Variants in NRXN3 observed in about 807,000 individuals in gnomAD.
NRXN3 encodes the protein neurexin 3.
In NRXN3, 32 loss-of-function variants were observed where a neutral mutation model predicts 137.6. The ratio of observed to expected loss-of-function variants is 0.23; its 90% confidence interval spans 0.18 to 0.31. The LOEUF (loss-of-function observed/expected upper bound fraction) is 0.31, where lower values mean the gene tolerates loss of function less well. Ranked by LOEUF, NRXN3 falls within the 10% of genes least tolerant of loss-of-function variation. The pLI, the probability that NRXN3 is intolerant of heterozygous loss-of-function variation, is 1.00. For synonymous variants in NRXN3, 798 were observed against 784.5 expected (o/e 1.02, Z -0.29); for missense variants, 1,574 against 2,062.5 (o/e 0.76, Z 4.59).
intron 8 of NRXN3, among the ~76,000 whole-genome samples, chr14:78,784,104 G>GC (rs2098780542): frequency 6.7e-6 from 1 of 150,066 alleles, no homozygotes; most frequent in Admixed American, 6.7e-5. Context: ...AAATTAATTA[G>GC]ATATTTTCGG....
chr14:78,204,646 TTAAA>T (rs1227281483), intron 1 of NRXN3, among the ~76,000 whole-genome samples: 1 of 152,064 alleles, frequency 6.6e-6, no homozygotes, highest in African/African-American at 2.4e-5. Flanking sequence ...ATGATCTAAA[TTAAA>T]TAATATGTGC....
At chr14:78,914,170 TCCATCTCCTGTGTGTG>T (rs1010229178) in intron 10 of NRXN3, among the ~76,000 whole-genome samples, 4 of 152,194 alleles carry the variant, frequency 2.6e-5, no homozygotes, top group African/African-American at 9.6e-5. Context: ...CATTTATTAG[TCCATCTCCTGTGTGTG>T]CATGGATTGG....
In NRXN3 at chr14:78,483,806, T is replaced by C. The variant is rs1045405567; in HGVS notation, c.758-161314T>C. Among the ~76,000 whole-genome samples the C allele has an allele frequency of 3.9e-5, 6 of 152,300 alleles. No homozygotes were observed. The South Asian group carries it at 1.2e-3, about 32-fold the overall frequency. On this transcript the variant is annotated intron_variant, in intron 4 of 20. Coordinates refer to ENST00000335750, the MANE Select transcript of NRXN3 (RefSeq NM_001330195.2). ...CATTTTACCCAACAATTTTATTTCA[T>C]AAATGAGAAAACTGAGGCCTAGAGA...
At chr14:79,287,411 G>C (rs987457072) in intron 15 of NRXN3, among the ~76,000 whole-genome samples, 3 of 152,118 alleles carry the variant, frequency 2.0e-5, no homozygotes, top group African/African-American at 7.2e-5. Flanking sequence ...GATCATTTTG[G>C]AAATTCAGAA....
intron 4 of NRXN3, among the ~76,000 whole-genome samples, chr14:78,415,684 G>A (rs1220319497): frequency 1.3e-5 from 2 of 152,048 alleles, no homozygotes; most frequent in Non-Finnish European, 2.9e-5. Flanking sequence ...TTGCTATGTC[G>A]AAGCCCTTAT....
intron 10 of NRXN3, among the ~76,000 whole-genome samples, chr14:78,927,582 T>A (rs1426045335): frequency 2.6e-5 from 4 of 152,170 alleles, no homozygotes; most frequent in Non-Finnish European, 5.9e-5. Context: ...TTTTGGCTCT[T>A]GAGCAGAATT....
chr14:79,627,855 C>T (rs1321099635), intron 16 of NRXN3, among the ~76,000 whole-genome samples: 1 of 151,966 alleles, frequency 6.6e-6, no homozygotes, highest in African/African-American at 2.4e-5. Flanking sequence ...ATGTGTCTTA[C>T]TTTTTTTATA....
At chr14:79,012,850 T>G (rs1034454866) in intron 15 of NRXN3, among the ~76,000 whole-genome samples, 3 of 152,140 alleles carry the variant, frequency 2.0e-5, no homozygotes, top group Admixed American at 6.6e-5. Flanking sequence ...CTTTCAACAT[T>G]TCCCCCCATC....
intron 4 of NRXN3, among the ~76,000 whole-genome samples, chr14:78,518,322 C>T (rs1332989773): frequency 6.6e-6 from 1 of 152,074 alleles, no homozygotes; most frequent in Non-Finnish European, 1.5e-5. Flanking sequence ...GAGTCTCACC[C>T]ACCTGGAAGG....
intron 16 of NRXN3, among the ~76,000 whole-genome samples, chr14:79,552,182 AAG>A (rs778143672): frequency 4.6e-5 from 7 of 152,186 alleles, no homozygotes; most frequent in Non-Finnish European, 8.8e-5. Context: ...ACTATAAGAC[AAG>A]AGAAGGATAA....
intron 15 of NRXN3, among the ~76,000 whole-genome samples, chr14:79,429,098 G>A (rs909050562): frequency 1.3e-4 from 20 of 152,200 alleles, no homozygotes; most frequent in South Asian, 1.0e-3. Flanking sequence ...AATACCAGAC[G>A]CAACCTAGTT....
At chr14:78,595,346 G>T (rs1297341473) in intron 4 of NRXN3, among the ~76,000 whole-genome samples, 1 of 152,158 alleles carries the variant, frequency 6.6e-6, no homozygotes. Context: ...CTTCTGCTTT[G>T]CCACTCAGAG....
At chr14:79,102,603 G>T (rs1229957656) in intron 15 of NRXN3, among the ~76,000 whole-genome samples, 1 of 152,190 alleles carries the variant, frequency 6.6e-6, no homozygotes, top group Non-Finnish European at 1.5e-5. Flanking sequence ...GACATATAGA[G>T]TTATGTAAAT....
At chr14:78,266,619 C>T (rs953351988) in intron 2 of NRXN3, among the ~76,000 whole-genome samples, 3 of 152,078 alleles carry the variant, frequency 2.0e-5, no homozygotes, top group Non-Finnish European at 4.4e-5. Flanking sequence ...TTCTTGGAAG[C>T]AGAACGTCTC....
chr14:78,832,316 T>A (rs950421639), intron 10 of NRXN3, among the ~76,000 whole-genome samples: 1 of 152,186 alleles, frequency 6.6e-6, no homozygotes, highest in African/African-American at 2.4e-5. Flanking sequence ...AAGAAAGAAA[T>A]AATTCCAGAT....
At position 78,407,467 on chromosome 14, in the gene NRXN3, GA is replaced by G. The variant is rs2092559995; in HGVS notation, c.757+109609del. Among the ~76,000 whole-genome samples, 4 of 152,220 alleles carry G rather than the reference GA, an allele frequency of 2.6e-5. No homozygotes were observed. In the South Asian group the frequency reaches 8.3e-4, roughly 32 times the overall value. ...CAAAGAAACCTGGGGTTATGCTTTGGAAGGCCATTTTTTTCCTGTGTTTGAA... is the reference window on the plus strand; with the variant it reads ...CAAAGAAACCTGGGGTTATGCTTTGGAGGCCATTTTTTTCCTGTGTTTGAA... On this transcript the variant is annotated intron_variant, in intron 4 of 20. Transcript: ENST00000335750.
chr14:78,830,903 A>G (rs1271898418), intron 10 of NRXN3, among the ~76,000 whole-genome samples: 1 of 152,218 alleles, frequency 6.6e-6, no homozygotes, highest in Non-Finnish European at 1.5e-5. Context: ...TTAGACATCA[A>G]TGGAAGTTTT....
At chr14:78,215,788 A>G (rs2063212156) in intron 1 of NRXN3, among the ~76,000 whole-genome samples, 1 of 146,066 alleles carries the variant, frequency 6.8e-6, no homozygotes, top group African/African-American at 2.5e-5. Flanking sequence ...GGCAGGGGTT[A>G]GTTTGTGCAC....
intron 16 of NRXN3, among the ~76,000 whole-genome samples, chr14:79,531,353 A>AT (rs1284290670): frequency 6.6e-6 from 1 of 152,156 alleles, no homozygotes; most frequent in Non-Finnish European, 1.5e-5. Flanking sequence ...GCATTTGCTT[A>AT]TTTTTCATCT....
Sources: gnomAD v4.1 joint callset for allele counts (sites outside exome capture counted in the v4.1 genomes callset) on GRCh38, gnomAD v4.1.1 for gene constraint, MANE v1.5 for transcripts, NCBI Gene and HGNC (gene_info 2026-07-23, HGNC 2026-07-21) for gene names.